The following COL20A1 variants were observed in gnomAD, a reference collection of about 807,000 sequenced individuals.
The protein encoded by COL20A1 is collagen type XX alpha 1 chain.
COL20A1 carries 164 observed loss-of-function variants against 152.9 expected under a neutral mutation model. The ratio of observed to expected loss-of-function variants is 1.07; its 90% CI spans 0.94 to 1.22. The LOEUF (loss-of-function observed/expected upper bound fraction) is 1.22, where lower values mean the gene tolerates loss of function less well. Among genes scored for constraint, COL20A1 ranks in the 50% most tolerant of loss-of-function variants. The pLI is 0.00. For synonymous variants in COL20A1, 864 were observed against 756.0 expected, an observed-to-expected ratio of 1.14 and a Z score of -2.34; for missense variants, 1,873 against 1,744.8, an observed-to-expected ratio of 1.07 and a Z score of -1.31.
At chr20:63,321,889 G>A (rs569285355) in intron 26 of COL20A1, among the ~76,000 whole-genome samples, 169 bp from the exon 27 acceptor site, 131 of 152,136 alleles carry the variant, frequency 8.6e-4, no homozygotes, top group Non-Finnish European at 1.6e-3. Flanking sequence ...GGGCTAGTGC[G>A]TCCTTGCCCT....
intron 3 of COL20A1, among the ~76,000 whole-genome samples, chr20:63,301,144 G>A (rs953289100): frequency 5.9e-5 from 9 of 152,098 alleles, no homozygotes; most frequent in Admixed American, 3.9e-4. Flanking sequence ...GCAAAACCCC[G>A]TCTCTACTAA....
Position 63,317,697 on chromosome 20 carries a change from G to A in COL20A1, c.2663+1006G>A, listed in dbSNP as rs529922064. 4.2e-3 allele frequency among the ~76,000 whole-genome samples: 645 copies of A among 151,914 alleles called. 6 individuals are homozygous for A. The highest frequency in any genetic ancestry group is 0.015 in the African/African-American group (618 of 41,394). ...TGGCTGAACTCGATGACTGTTCCCC[G>A]GCTTCCCTCACCATCCTCTCCCTCC... On this transcript the variant is annotated intron_variant, in intron 21 of 35. Transcript: ENST00000358894.
At position 63,333,535 on chromosome 20, in the gene COL20A1, G is replaced by C. The variant is rs2068358546; in HGVS notation, c.*2819G>C. 1 of 152,226 alleles carries C rather than the reference G, an allele frequency of 6.6e-6. No individual in the cohort carries two copies. Among genetic ancestry groups the C allele is most frequent in the Non-Finnish European group, 1.5e-5 (1 of 68,040 alleles). 9.4% of individuals were successfully genotyped at this position (152,226 alleles called of 1,614,324 possible). On this transcript the variant is annotated 3_prime_UTR_variant, in exon 36 of 36. Transcript: ENST00000358894. Reference sequence around the variant, plus strand: ...CGAGTGGCTCTGCCTGAGGCCCCAAGAGCGACCTTGGAAGCTCCAGGCCTT... The same window carrying C: ...CGAGTGGCTCTGCCTGAGGCCCCAACAGCGACCTTGGAAGCTCCAGGCCTT...
chr20:63,310,013 C>T (rs1389986084), intron 10 of COL20A1, 98 bp downstream of exon 10: 12 of 1,150,112 alleles, frequency 1.0e-5, no homozygotes, highest in Non-Finnish European at 1.2e-5. Context: ...CCACAAATAA[C>T]TGGGTCCAGG....
intron 30 of COL20A1, among the ~76,000 whole-genome samples, 192 bp from the exon 31 acceptor site, chr20:63,326,560 A>G (rs1268646714): frequency 2.6e-5 from 4 of 152,076 alleles, no homozygotes; most frequent in Admixed American, 2.6e-4. Flanking sequence ...GGTGCAGGGC[A>G]TGGGGAGCCA....
rs1290282864 is a variant in COL20A1 at position 63,311,603 on chromosome 20, C to G, written c.1540-22C>G. ...TGGGGCAGAGCGAGTGGGGGCTGGC[C>G]TGGGACGTCATGTCTCTGCAGGTGC... is the stretch of plus-strand genomic sequence containing the variant. On this transcript the variant is annotated intron_variant, in intron 12 of 35. Coordinates refer to ENST00000358894, the MANE Select transcript of COL20A1 (RefSeq NM_020882.4). The surrounding 1 kb of genome is among the most constrained non-coding windows in gnomAD (Gnocchi z 4.4). 1.2e-6 allele frequency: 2 copies of G among 1,610,422 alleles called. No individual in the cohort carries two copies. The highest frequency in any genetic ancestry group is 4.5e-5 in the East Asian group (2 of 44,832).
intron 21 of COL20A1, among the ~76,000 whole-genome samples, chr20:63,317,661 C>T (rs1024111077): frequency 1.3e-5 from 2 of 152,100 alleles, no homozygotes; most frequent in East Asian, 3.9e-4. Context: ...CTGGTCACCA[C>T]GGTGTCTTCG....
At chr20:63,302,253 T>G (rs768282979) in intron 3 of COL20A1, among the ~76,000 whole-genome samples, 6 of 152,226 alleles carry the variant, frequency 3.9e-5, no homozygotes, top group Non-Finnish European at 5.9e-5. Flanking sequence ...CTCCCAAATT[T>G]AAAATGTTTC....
At position 63,308,102 on chromosome 20, in the gene COL20A1, G is replaced by GCCTGCCCCTCCCTCCGT; in HGVS notation, c.775+26_775+27insCGTCCTGCCCCTCCCTC. 6.2e-7 allele frequency: 1 copy of GCCTGCCCCTCCCTCCGT among 1,611,652 alleles called. No homozygotes were observed. On this transcript the variant is annotated intron_variant, in intron 7 of 35. Coordinates refer to ENST00000358894, the MANE Select transcript of COL20A1 (RefSeq NM_020882.4). Reference sequence around the variant, plus strand: ...GAACACGTTCACAGGTACGGCCCAGGCCTGCCCCTCCCTCTGTCCTGAGGG... The same window carrying GCCTGCCCCTCCCTCCGT: ...GAACACGTTCACAGGTACGGCCCAGGCCTGCCCCTCCCTCCGTCCTGCCCCTCCCTCTGTCCTGAGGG...
chr20:63,301,052 C>G (rs1003280961), intron 3 of COL20A1, among the ~76,000 whole-genome samples: 1 of 152,208 alleles, frequency 6.6e-6, no homozygotes, highest in South Asian at 2.1e-4. Flanking sequence ...TGGTGGCTCA[C>G]GCCTATAATC....
Position 63,319,668 on chromosome 20 carries a change from C to A in COL20A1, c.2916+72C>A. 9.5e-7 allele frequency: 1 copy of A among 1,048,286 alleles called. No individual in the cohort carries two copies. Among genetic ancestry groups the A allele is most frequent in the Non-Finnish European group, 1.4e-6 (1 of 701,768 alleles). The allele number at this position is 1,048,286 out of a possible 1,614,324, so 64.9% of individuals were successfully genotyped here. The stretch of plus-strand genomic sequence containing the variant: ...GGCAGCCCAGCCCCACAGGGACCTG[C>A]CGGATGCCAACTCCTCTCCCTAGGA... On this transcript the variant is annotated intron_variant, in intron 23 of 35. Transcript: ENST00000358894. The surrounding 1 kb of genome is among the most constrained non-coding windows in gnomAD (Gnocchi z 4.4).
Position 63,333,499 on chromosome 20 carries a change from GC to G in COL20A1, c.*2784del, listed in dbSNP as rs1193828978. 1 of 152,264 alleles carries G rather than the reference GC, an allele frequency of 6.6e-6. No individual in the cohort carries two copies. Among genetic ancestry groups the G allele is most frequent in the Admixed American group, 6.5e-5 (1 of 15,290 alleles). 9.4% of individuals were successfully genotyped at this position (152,264 alleles called of 1,614,324 possible). On this transcript the variant is annotated 3_prime_UTR_variant, in exon 36 of 36. Coordinates refer to ENST00000358894, the MANE Select transcript of COL20A1 (RefSeq NM_020882.4). The stretch of plus-strand genomic sequence containing the variant: ...TATCTGACCTGCCCTCCCTAGGTCT[GC>G]AGGCAGTGCCGAGTGGCTCTGCCTG...
intron 3 of COL20A1, among the ~76,000 whole-genome samples, chr20:63,299,778 C>G (rs1024807298): frequency 4.0e-5 from 6 of 151,478 alleles, no homozygotes; most frequent in African/African-American, 1.5e-4. Context: ...ATGTAGTAAA[C>G]TACAGTGATT....
chr20:63,306,190 A>C lies in COL20A1; in HGVS notation c.496+151A>C, dbSNP rs1468451580. 1.7e-6 allele frequency: 1 copy of C among 604,222 alleles called. No homozygotes were observed. The highest frequency in any genetic ancestry group is 1.9e-5 in the African/African-American group (1 of 52,190). The allele number at this position is 604,222 out of a possible 1,614,324, so 37.4% of individuals were successfully genotyped here. ...AGGAAGTTCTTCCTCGTGTCTGACCACACGGTCTCTGACCACGAGGCCGGG... is the reference window on the plus strand; with the variant it reads ...AGGAAGTTCTTCCTCGTGTCTGACCCCACGGTCTCTGACCACGAGGCCGGG... On this transcript the variant is annotated intron_variant, in intron 5 of 35. Transcript: ENST00000358894. This position sits in a 1 kb window ranked among gnomAD's most constrained non-coding sequence, Gnocchi z 6.9.
chr20:63,329,408 G>A (rs887121862), intron 34 of COL20A1, 177 bp from the exon 35 acceptor site: 1 of 548,684 alleles, frequency 1.8e-6, no homozygotes. Flanking sequence ...CCCAGGAGGC[G>A]CCTGTGTGGA....
In COL20A1 at chr20:63,310,444, C is replaced by T. The variant is rs1166969488; in HGVS notation, c.1327C>T (p.Leu443=). The T allele has an allele frequency of 1.2e-6, 2 of 1,609,898 alleles. No individual in the cohort carries two copies. The highest frequency in any genetic ancestry group is 8.5e-7 in the Non-Finnish European group (1 of 1,178,780). ...CAACCTGGCCTCCCGCACAGAGTAC[C>T]TGGTCTCCGTGTTCCCCATCTATGA... is the stretch of plus-strand genomic sequence containing the variant. The part of the protein sequence containing the change: ...LHNLASRTEY[L]VSVFPIYEGG... Residue 443 remains leucine, a synonymous_variant, in exon 11 of 36, where the codon CTG becomes TTG. Coordinates refer to ENST00000358894, the MANE Select transcript of COL20A1 (RefSeq NM_020882.4).
intron 3 of COL20A1, among the ~76,000 whole-genome samples, chr20:63,299,168 C>T (rs1488917249): frequency 6.6e-6 from 1 of 152,156 alleles, no homozygotes; most frequent in African/African-American, 2.4e-5. Context: ...TGGCTTGTGT[C>T]CAGGTTGGCT....
chr20:63,311,437 G>A lies in COL20A1; in HGVS notation c.1437G>A (p.Thr479=), dbSNP rs754310748. 26 of 1,574,258 alleles carry A rather than the reference G, an allele frequency of 1.7e-5. No individual in the cohort carries two copies. The highest frequency in any genetic ancestry group is 2.3e-5 in the East Asian group (1 of 42,746). The part of the protein sequence containing the change: ...PPRALTLAAV[T]PRTVHLTWQP... ...GGGCGCTGACCCTGGCCGCAGTGACGCCCAGAACCGTCCACCTCACCTGGC... is the reference window on the plus strand; with the variant it reads ...GGGCGCTGACCCTGGCCGCAGTGACACCCAGAACCGTCCACCTCACCTGGC... Residue 479 remains threonine, a synonymous_variant, in exon 12 of 36, where the codon ACG becomes ACA. Transcript: ENST00000358894. This position sits in a 1 kb window ranked among gnomAD's most constrained non-coding sequence, Gnocchi z 4.4.
At chr20:63,307,772 G>T (rs988924719) in intron 6 of COL20A1, 124 bp downstream of exon 6, 178 of 1,232,624 alleles carry the variant, frequency 1.4e-4, no homozygotes, top group Non-Finnish European at 1.9e-4. Context: ...GGGGTGGGAC[G>T]CCTGCTCCAC....
Sources: gnomAD v4.1 joint callset for allele counts (sites outside exome capture counted in the v4.1 genomes callset) on GRCh38, gnomAD v4.1.1 for gene constraint, Gnocchi (gnomAD v3.1) non-coding constraint, MANE v1.5 for transcripts, NCBI Gene and HGNC (gene_info 2026-07-23, HGNC 2026-07-21) for gene names.